The following DCDC2 variants were observed in gnomAD, a reference collection of about 807,000 sequenced individuals.
DCDC2 encodes doublecortin domain containing 2.
In DCDC2, 40 loss-of-function variants were observed where a neutral mutation model predicts 50.2. The ratio of observed to expected loss-of-function variants is 0.80; its 90% CI spans 0.62 to 1.04. The LOEUF (loss-of-function observed/expected upper bound fraction) is 1.04, where lower values mean the gene tolerates loss of function less well. DCDC2 is among the 50% of genes least tolerant of loss of function. DCDC2 has a pLI of 0.00. For missense variants in DCDC2, 570 were observed against 581.9 expected, an observed-to-expected ratio of 0.98 and a Z score of 0.21; for synonymous variants, 234 against 210.6, an observed-to-expected ratio of 1.11 and a Z score of -0.96.
chr6:24,186,539 C>G (rs1761208194), intron 8 of DCDC2, among the ~76,000 whole-genome samples: 1 of 152,206 alleles, frequency 6.6e-6, no homozygotes, highest in African/African-American at 2.4e-5. Context: ...CCCTCAGTAG[C>G]TGAAAAACTG....
At position 24,357,438 on chromosome 6, in the gene DCDC2, G is replaced by A. The variant is rs772875683; in HGVS notation, c.293+20C>T. 1.2e-5 allele frequency: 19 copies of A among 1,580,094 alleles called. No individual in the cohort carries two copies. The highest frequency in any genetic ancestry group is 1.5e-5 in the Non-Finnish European group (17 of 1,162,080). ...CTATAGGGCACCTAAATGGGTGGGC[G>A]GTGGGGGAGACCGACTCACTTGAGT... On this transcript the variant is annotated intron_variant, in intron 1 of 9. Coordinates refer to ENST00000378454, the MANE Select transcript of DCDC2 (RefSeq NM_016356.5).
At chr6:24,348,331 G>C (rs1167827916) in intron 2 of DCDC2, among the ~76,000 whole-genome samples, 3 of 152,112 alleles carry the variant, frequency 2.0e-5, no homozygotes, top group Non-Finnish European at 2.9e-5. Context: ...GATAAGAGAA[G>C]TTTATCCAAT....
intron 2 of DCDC2, among the ~76,000 whole-genome samples, chr6:24,310,404 T>C (rs2113844638): frequency 6.6e-6 from 1 of 152,308 alleles, no homozygotes; most frequent in Admixed American, 6.5e-5. Context: ...GGATACTCCA[T>C]CACAGTTCAG....
chr6:24,193,295 G>A lies in DCDC2; in HGVS notation c.1023+11707C>T, dbSNP rs1483119273. Among the ~76,000 whole-genome samples the A allele has an allele frequency of 2.0e-5, 3 of 152,116 alleles. No individual in the cohort carries two copies. In the South Asian group the frequency reaches 6.2e-4, roughly 32 times the overall value. On this transcript the variant is annotated intron_variant, in intron 8 of 9. Transcript: ENST00000378454. The stretch of plus-strand genomic sequence containing the variant: ...TGTAACCAAGATAGAGGAAGACATA[G>A]AATCCAAAAAAAGAAGAGAACCATC...
chr6:24,369,537 G>A, the DCDC2 span, among the ~76,000 whole-genome samples: 15 of 151,950 alleles, frequency 9.9e-5, no homozygotes, highest in African/African-American at 1.7e-4. Flanking sequence ...TTGAACCTGG[G>A]AGGTGGAGGT....
intron 8 of DCDC2, among the ~76,000 whole-genome samples, chr6:24,183,556 G>C (rs187687313): frequency 6.6e-4 from 101 of 152,292 alleles, no homozygotes; most frequent in African/African-American, 2.4e-3. Flanking sequence ...GAAGAAGCCA[G>C]GAAAAGCCCT....
At chr6:24,358,860 T>TATATA (rs1561788355), upstream of DCDC2, among the ~76,000 whole-genome samples, 18 of 15,490 alleles carry the variant, frequency 1.2e-3, no homozygotes, top group South Asian at 1.8e-3. Flanking sequence ...TTATATATAA[T>TATATA]ATATATAATA....
At chr6:24,346,356 G>C (rs541323501) in intron 2 of DCDC2, among the ~76,000 whole-genome samples, 1 of 152,248 alleles carries the variant, frequency 6.6e-6, no homozygotes, top group South Asian at 2.1e-4. Context: ...TGGCATATAA[G>C]GCCAAGGTAT....
chr6:24,373,560 AGTG>A, the DCDC2 span, among the ~76,000 whole-genome samples: 2 of 152,270 alleles, frequency 1.3e-5, no homozygotes, highest in South Asian at 2.1e-4. Flanking sequence ...AAGGATCCAA[AGTG>A]GTGAGTAAGG....
chr6:24,281,207 T>C (rs552635607), intron 6 of DCDC2, among the ~76,000 whole-genome samples: 1 of 152,268 alleles, frequency 6.6e-6, no homozygotes, highest in South Asian at 2.1e-4. Context: ...ACATAATGCA[T>C]AGATTTTGCA....
chr6:24,373,891 G>A, the DCDC2 span, among the ~76,000 whole-genome samples: 5 of 152,128 alleles, frequency 3.3e-5, no homozygotes, highest in Non-Finnish European at 7.4e-5. Context: ...GACTGGGCGC[G>A]GTGGCTCACG....
intron 2 of DCDC2, among the ~76,000 whole-genome samples, chr6:24,335,660 T>A (rs1350351269): frequency 6.6e-6 from 1 of 152,142 alleles, no homozygotes; most frequent in Non-Finnish European, 1.5e-5. Context: ...CAAAGGAGGT[T>A]TAATTAACTC....
At chr6:24,273,347 TA>T (rs528631553) in intron 7 of DCDC2, among the ~76,000 whole-genome samples, 16 of 152,260 alleles carry the variant, frequency 1.1e-4, no homozygotes, top group African/African-American at 3.9e-4. Flanking sequence ...TTATTCAAGT[TA>T]TGGTTACACT....
At chr6:24,273,728 T>G (rs547277391) in intron 7 of DCDC2, among the ~76,000 whole-genome samples, 12 of 152,338 alleles carry the variant, frequency 7.9e-5, no homozygotes, top group Non-Finnish European at 1.5e-4. Flanking sequence ...AGCTCAAGTT[T>G]CAATGCCTCA....
chr6:24,282,587 T>C (rs1020438774), intron 6 of DCDC2, among the ~76,000 whole-genome samples: 3 of 152,090 alleles, frequency 2.0e-5, no homozygotes, highest in Admixed American at 1.3e-4. Context: ...TCTTTCCAAC[T>C]AGATCCAACC....
chr6:24,358,130 A>G (rs1470438668), upstream of DCDC2: 5 of 324,484 alleles, frequency 1.5e-5, no homozygotes, highest in South Asian at 5.7e-5. Flanking sequence ...AGGAGGACGC[A>G]CACACACACA....
intron 8 of DCDC2, among the ~76,000 whole-genome samples, chr6:24,190,121 C>T (rs1341093923): frequency 6.7e-6 from 1 of 149,436 alleles, no homozygotes; most frequent in Non-Finnish European, 1.5e-5. Flanking sequence ...CAAAGACCTA[C>T]AAAAAGGGTG....
rs150846036 is a variant in DCDC2 at position 24,289,572 on chromosome 6, T to C, written c.705-666A>G. On this transcript the variant is annotated intron_variant, in intron 5 of 9. Coordinates refer to ENST00000378454, the MANE Select transcript of DCDC2 (RefSeq NM_016356.5). ...TCTTATTACCATCAGGTACACACTG[T>C]TGATCACAGCAGGTTAACCTAGGGC... Among the ~76,000 whole-genome samples, 18 of 152,334 alleles carry C rather than the reference T, an allele frequency of 1.2e-4. No homozygotes were observed. The East Asian group carries it at 3.5e-3, about 29-fold the overall frequency.
At chr6:24,327,111 T>TA (rs1759883645) in intron 2 of DCDC2, among the ~76,000 whole-genome samples, 1 of 149,186 alleles carries the variant, frequency 6.7e-6, no homozygotes, top group African/African-American at 2.4e-5. Context: ...TGTCAAAACT[T>TA]ACAATTAACT....
Sources: gnomAD v4.1 joint callset for allele counts (sites outside exome capture counted in the v4.1 genomes callset) on GRCh38, gnomAD v4.1.1 for gene constraint, MANE v1.5 for transcripts, NCBI Gene and HGNC (gene_info 2026-07-23, HGNC 2026-07-21) for gene names.